LRRC4C: variants seen among roughly 807,000 people sequenced by gnomAD.
LRRC4C encodes the protein leucine-rich repeat-containing protein 4C.
In LRRC4C, 5 loss-of-function variants were observed where a neutral mutation model predicts 33.6. That is an observed-to-expected ratio of 0.15 (90% CI 0.08 to 0.31). LRRC4C has a LOEUF of 0.31. LRRC4C is among the 10% of genes least tolerant of loss of function. The probability of loss-of-function intolerance (pLI) is 1.00; values close to 1 mark genes in which losing one functional copy is unlikely to be tolerated. For missense variants in LRRC4C, 560 were observed against 796.7 expected (o/e 0.70, Z 3.58); for synonymous variants, 329 against 302.0 (o/e 1.09, Z -0.93).
At chr11:41,380,924 T>G (rs1160635303) in intron 1 of LRRC4C, among the ~76,000 whole-genome samples, 2 of 152,128 alleles carry the variant, frequency 1.3e-5, no homozygotes, top group Non-Finnish European at 2.9e-5. Context: ...CCAAGAAAAC[T>G]TATCACTATT....
At chr11:40,646,262 A>C (rs1591362313) in intron 3 of LRRC4C, among the ~76,000 whole-genome samples, 1 of 152,222 alleles carries the variant, frequency 6.6e-6, no homozygotes, top group African/African-American at 2.4e-5. Flanking sequence ...GCTAAGAAAA[A>C]TAATCAGAAA....
chr11:40,452,417 G>A (rs1370461352), intron 3 of LRRC4C, among the ~76,000 whole-genome samples: 1 of 152,162 alleles, frequency 6.6e-6, no homozygotes, highest in African/African-American at 2.4e-5. Flanking sequence ...GCAGCCAAAA[G>A]ACACATGAAT....
intron 3 of LRRC4C, among the ~76,000 whole-genome samples, chr11:40,354,026 T>A (rs1947540465): frequency 2.0e-5 from 3 of 152,072 alleles, no homozygotes; most frequent in Non-Finnish European, 4.4e-5. Flanking sequence ...GGTACTTGAG[T>A]GTTGTGATCT....
At chr11:40,131,572 A>G (rs768777050) in intron 6 of LRRC4C, among the ~76,000 whole-genome samples, 1 of 152,180 alleles carries the variant, frequency 6.6e-6, no homozygotes, top group Non-Finnish European at 1.5e-5. Flanking sequence ...GCAGACACTA[A>G]TAGTACATAG....
chr11:40,457,087 T>C lies in LRRC4C; in HGVS notation c.-269-137366A>G, dbSNP rs557742623. 5.4e-5 allele frequency among the ~76,000 whole-genome samples: 8 copies of C among 149,286 alleles called. No homozygotes were observed. In the South Asian group the frequency reaches 1.7e-3, roughly 31 times the overall value. ...ACAGCTCAGAATTTTAGCTTTCCTG[T>C]GTATTTCTTAAAAAAGAAAAAAAAA... is the stretch of plus-strand genomic sequence containing the variant. On this transcript the variant is annotated intron_variant, in intron 3 of 6. Coordinates refer to ENST00000528697, the MANE Select transcript of LRRC4C (RefSeq NM_001258419.2).
intron 1 of LRRC4C, among the ~76,000 whole-genome samples, chr11:41,411,093 G>C (rs1425466677): frequency 2.0e-5 from 3 of 149,424 alleles, no homozygotes; most frequent in Non-Finnish European, 4.4e-5. Context: ...TTCCGCATTG[G>C]AAGGTTTATG....
intron 1 of LRRC4C, among the ~76,000 whole-genome samples, chr11:41,436,098 G>T (rs1432790754): frequency 6.6e-6 from 1 of 152,168 alleles, no homozygotes; most frequent in Non-Finnish European, 1.5e-5. Context: ...CAGCTACTGG[G>T]AAGGCTGAGG....
intron 2 of LRRC4C, among the ~76,000 whole-genome samples, chr11:40,913,150 T>C (rs542023624): frequency 2.0e-5 from 3 of 152,098 alleles, no homozygotes; most frequent in African/African-American, 7.2e-5. Flanking sequence ...AGACAGAAAG[T>C]CAACAAGGAT....
In LRRC4C at chr11:41,214,575, C is replaced by CAAAAAAAAAAAAAAAAAAAAAAA. The variant is rs547167050; in HGVS notation, c.-496+244833_-496+244855dup. 1.2e-4 allele frequency among the ~76,000 whole-genome samples: 4 copies of CAAAAAAAAAAAAAAAAAAAAAAA among 34,758 alleles called. 1 individual carries two copies. The highest frequency in any genetic ancestry group is 4.7e-4 in the African/African-American group (4 of 8,424). 22.8% of individuals were successfully genotyped at this position (34,758 alleles called of 152,430 possible). A position where few individuals can be genotyped will look rare whatever the true frequency, so the allele number is the denominator to read the frequency against. ...TGAAACCCCGTCTCTACTAAAAATA[C>CAAAAAAAAAAAAAAAAAAAAAAA]AAAAAAAAAAAAAAAAAAAAAAAAA... On this transcript the variant is annotated intron_variant, in intron 1 of 6. Coordinates refer to ENST00000528697, the MANE Select transcript of LRRC4C (RefSeq NM_001258419.2).
intron 1 of LRRC4C, among the ~76,000 whole-genome samples, chr11:41,380,001 T>A (rs1269763377): frequency 6.6e-6 from 1 of 151,860 alleles, no homozygotes; most frequent in African/African-American, 2.4e-5. Flanking sequence ...CACACACTAT[T>A]GTCCTCAGTG....
intron 1 of LRRC4C, among the ~76,000 whole-genome samples, chr11:41,215,955 G>A (rs553542989): frequency 2.2e-4 from 33 of 152,204 alleles, no homozygotes; most frequent in African/African-American, 6.3e-4. Context: ...TGGCTGCTTC[G>A]TTCTCAAGCC....
chr11:41,019,821 T>A (rs1855833847), intron 1 of LRRC4C, among the ~76,000 whole-genome samples: 1 of 152,166 alleles, frequency 6.6e-6, no homozygotes, highest in African/African-American at 2.4e-5. Flanking sequence ...AATGTCTACC[T>A]TTGAGAAGTG....
intron 1 of LRRC4C, among the ~76,000 whole-genome samples, chr11:41,458,381 T>C (rs750328189): frequency 5.9e-5 from 9 of 152,176 alleles, no homozygotes; most frequent in Non-Finnish European, 1.2e-4. Context: ...TGATTCTTAC[T>C]CCTGGGGTGA....
chr11:40,582,745 A>G (rs1591175371), intron 3 of LRRC4C, among the ~76,000 whole-genome samples: 2 of 151,794 alleles, frequency 1.3e-5, no homozygotes, highest in Non-Finnish European at 2.9e-5. Context: ...TCGAACTCCT[A>G]ACCTCAGGTG....
At chr11:41,211,845 C>T (rs1048498156) in intron 1 of LRRC4C, among the ~76,000 whole-genome samples, 2 of 152,102 alleles carry the variant, frequency 1.3e-5, no homozygotes, top group African/African-American at 4.8e-5. Context: ...GGTATATACC[C>T]AGTAATGGGA....
intron 5 of LRRC4C, among the ~76,000 whole-genome samples, chr11:40,148,666 G>A (rs546018665): frequency 4.6e-5 from 7 of 152,212 alleles, no homozygotes; most frequent in African/African-American, 1.4e-4. Flanking sequence ...CTTTTGCTGT[G>A]CAGAAGATCC....
chr11:41,191,559 A>G (rs1048781123), intron 1 of LRRC4C, among the ~76,000 whole-genome samples: 6 of 152,156 alleles, frequency 3.9e-5, no homozygotes, highest in African/African-American at 1.4e-4. Flanking sequence ...AGCCTTAGAA[A>G]GAACTCATTG....
Position 40,505,029 on chromosome 11 carries a change from TG to T in LRRC4C, c.-270+143112del, listed in dbSNP as rs1428811614. 1.1e-4 allele frequency among the ~76,000 whole-genome samples: 17 copies of T among 152,162 alleles called. 3 individuals are homozygous for T. The highest frequency in any genetic ancestry group is 1.0e-3 in the Admixed American group (16 of 15,268). Reference sequence around the variant, plus strand: ...TAGTGGGGGAAGGCAGGTGTTTTTTTGTTTTTGTTTTTTTCTCCTTCATACT... The same window carrying T: ...TAGTGGGGGAAGGCAGGTGTTTTTTTTTTTTGTTTTTTTCTCCTTCATACT... On this transcript the variant is annotated intron_variant, in intron 3 of 6. Coordinates refer to ENST00000528697, the MANE Select transcript of LRRC4C (RefSeq NM_001258419.2).
intron 1 of LRRC4C, among the ~76,000 whole-genome samples, chr11:41,392,988 C>A (rs185541914): frequency 1.3e-3 from 192 of 151,862 alleles, no homozygotes; most frequent in African/African-American, 4.5e-3. Flanking sequence ...TGACAATATA[C>A]CTGTTTTATT....
Sources: gnomAD v4.1 joint callset for allele counts (sites outside exome capture counted in the v4.1 genomes callset) on GRCh38, gnomAD v4.1.1 for gene constraint, MANE v1.5 for transcripts, NCBI Gene and HGNC (gene_info 2026-07-23, HGNC 2026-07-21) for gene names.